The following GRIN2A variants were observed in gnomAD, a reference collection of about 807,000 sequenced individuals.
The protein encoded by GRIN2A is glutamate receptor ionotropic, NMDA 2A.
In GRIN2A, 22 loss-of-function variants were observed where a neutral mutation model predicts 113.4. The observed-to-expected ratio is 0.19, with a 90% CI of 0.14 to 0.28. The LOEUF is 0.28. GRIN2A is among the 10% of genes least tolerant of loss of function. The pLI is 1.00. For synonymous variants in GRIN2A, 827 were observed against 738.4 expected, an observed-to-expected ratio of 1.12 and a Z score of -1.94; for missense variants, 1,502 against 1,887.0, an observed-to-expected ratio of 0.80 and a Z score of 3.78.
chr16:9,969,585 C>T (rs2045630567), intron 2 of GRIN2A, among the ~76,000 whole-genome samples: 1 of 152,174 alleles, frequency 6.6e-6, no homozygotes, highest in African/African-American at 2.4e-5. Flanking sequence ...CTAAAACTGA[C>T]CTTGTCATCC....
intron 2 of GRIN2A, among the ~76,000 whole-genome samples, chr16:10,078,998 C>G (rs920362644): frequency 2.6e-5 from 4 of 152,236 alleles, no homozygotes; most frequent in Admixed American, 6.5e-5. Flanking sequence ...CAGCCTTATG[C>G]TCATAGCTCC....
intron 4 of GRIN2A, among the ~76,000 whole-genome samples, chr16:9,882,608 G>A (rs1054504188): frequency 6.6e-6 from 1 of 152,066 alleles, no homozygotes; most frequent in Non-Finnish European, 1.5e-5. Flanking sequence ...GCAGCATATC[G>A]AGAACTTGTG....
chr16:9,861,453 C>A (rs1202800445), intron 4 of GRIN2A, among the ~76,000 whole-genome samples: 6 of 152,206 alleles, frequency 3.9e-5, no homozygotes, highest in Non-Finnish European at 8.8e-5. Flanking sequence ...GAATGCACAT[C>A]TGACACACAA....
chr16:10,003,474 A>G (rs2141848068), intron 2 of GRIN2A, among the ~76,000 whole-genome samples: 1 of 152,308 alleles, frequency 6.6e-6, no homozygotes, highest in South Asian at 2.1e-4. Context: ...AAGAGAAAAA[A>G]CGAACAGAGA....
At chr16:10,168,010 C>T (rs1248601446) in intron 2 of GRIN2A, among the ~76,000 whole-genome samples, 2 of 152,150 alleles carry the variant, frequency 1.3e-5, no homozygotes, top group Non-Finnish European at 1.5e-5. Flanking sequence ...AAACATATTA[C>T]TACAGTAAGA....
chr16:9,874,089 G>A (rs2043318424), intron 4 of GRIN2A, among the ~76,000 whole-genome samples: 1 of 152,148 alleles, frequency 6.6e-6, no homozygotes, highest in Non-Finnish European at 1.5e-5. Context: ...TTCCAACGGA[G>A]TCTTTCTTCA....
intron 4 of GRIN2A, among the ~76,000 whole-genome samples, chr16:9,887,373 C>T (rs1596541584): frequency 1.3e-5 from 2 of 152,290 alleles, no homozygotes; most frequent in East Asian, 3.9e-4. Flanking sequence ...ATTCTGATAT[C>T]TAACCCCATA....
At chr16:10,125,592 G>A (rs981059622) in intron 2 of GRIN2A, among the ~76,000 whole-genome samples, 1 of 149,554 alleles carries the variant, frequency 6.7e-6, no homozygotes, top group Admixed American at 6.7e-5. Context: ...GCAAAGCAAT[G>A]GAGCTAAGGC....
chr16:9,894,316 AAAGATTTT>A (rs1450080627), intron 3 of GRIN2A, among the ~76,000 whole-genome samples: 2 of 152,204 alleles, frequency 1.3e-5, no homozygotes, highest in Admixed American at 6.5e-5. Context: ...GTGAGCCAGG[AAAGATTTT>A]AAGTAGAGGA....
chr16:9,789,458 T>G (rs1223233959), intron 11 of GRIN2A, among the ~76,000 whole-genome samples: 1 of 152,162 alleles, frequency 6.6e-6, no homozygotes, highest in African/African-American at 2.4e-5. Context: ...TTCTGACTTA[T>G]GTTGCTGACT....
chr16:10,053,913 C>T (rs1047551555), intron 2 of GRIN2A, among the ~76,000 whole-genome samples: 1 of 151,650 alleles, frequency 6.6e-6, no homozygotes, highest in Admixed American at 6.6e-5. Context: ...GGAAAAGATC[C>T]TACGTGGATA....
rs550236264 is a variant in GRIN2A at position 9,944,445 on chromosome 16, A to C, written c.415-5894T>G. The stretch of plus-strand genomic sequence containing the variant: ...CCCTCCCCCTTCCTCTGTCATCATC[A>C]TCCTCCATCATCATCACATCCATCC... On this transcript the variant is annotated intron_variant, in intron 2 of 12. Transcript: ENST00000330684. 7.9e-5 allele frequency among the ~76,000 whole-genome samples: 12 copies of C among 152,052 alleles called. No individual in the cohort carries two copies. In the East Asian group the frequency reaches 1.9e-3, roughly 24 times the overall value.
intron 4 of GRIN2A, among the ~76,000 whole-genome samples, chr16:9,878,662 A>G (rs1596531248): frequency 6.6e-6 from 1 of 152,130 alleles, no homozygotes; most frequent in African/African-American, 2.4e-5. Flanking sequence ...CTATCAACGT[A>G]TGTTCCCATA....
chr16:10,103,181 T>C (rs570313341), intron 2 of GRIN2A, among the ~76,000 whole-genome samples: 10 of 152,134 alleles, frequency 6.6e-5, no homozygotes, highest in African/African-American at 2.4e-4. Flanking sequence ...ACAAAGAAAG[T>C]AAATATGGGA....
chr16:10,139,094 G>A (rs564186017), intron 2 of GRIN2A, among the ~76,000 whole-genome samples: 37 of 152,326 alleles, frequency 2.4e-4, no homozygotes, highest in Admixed American at 6.5e-4. Flanking sequence ...GAGACAGCAC[G>A]GATCAAGCCA....
chr16:9,976,216 T>A (rs557510665), intron 2 of GRIN2A, among the ~76,000 whole-genome samples: 1 of 152,320 alleles, frequency 6.6e-6, no homozygotes, highest in African/African-American at 2.4e-5. Context: ...AAGCAAACCA[T>A]ATCATTAAAT....
intron 2 of GRIN2A, among the ~76,000 whole-genome samples, chr16:9,966,976 C>T (rs1283392749): frequency 2.0e-5 from 3 of 152,178 alleles, no homozygotes; most frequent in Non-Finnish European, 2.9e-5. Context: ...ACACTTCAGC[C>T]TTCAGCAGTA....
chr16:10,175,957 A>G (rs76679650), intron 2 of GRIN2A, among the ~76,000 whole-genome samples: 2 of 151,688 alleles, frequency 1.3e-5, no homozygotes, highest in East Asian at 3.9e-4. Context: ...CTTCATCTAC[A>G]TCGAGCATTA....
rs555342564 is a variant in GRIN2A at position 9,761,282 on chromosome 16, C to A, written c.*1867G>T. 185 of 229,812 alleles carry A rather than the reference C, an allele frequency of 8.1e-4. 1 individual carries two copies. The highest frequency in any genetic ancestry group is 3.8e-3 in the African/African-American group (170 of 45,266). The allele number at this position is 229,812 out of a possible 1,614,324, so 14.2% of individuals were successfully genotyped here. ...CCCACATGCAAGAAAATAATACTTA[C>A]AAAACAGAACGCACACCATGAGGAG... On this transcript the variant is annotated 3_prime_UTR_variant, in exon 13 of 13. Transcript: ENST00000330684.
Sources: allele counts gnomAD v4.1 joint callset (sites outside exome capture counted in the v4.1 genomes callset), GRCh38; gene constraint gnomAD v4.1.1; transcripts MANE v1.5; gene names NCBI Gene and HGNC (gene_info 2026-07-23, HGNC 2026-07-21).